Variants in ATP13A4 observed in about 807,000 individuals in gnomAD.
The protein encoded by ATP13A4 is probable cation-transporting ATPase 13A4.
Under a neutral mutation model 142.5 loss-of-function variants are expected in ATP13A4, and 114 were observed. The observed-to-expected ratio is 0.80, with a 90% CI of 0.69 to 0.93. ATP13A4 has a LOEUF of 0.93. Ranked by LOEUF, ATP13A4 falls within the 40% of genes least tolerant of loss-of-function variation. ATP13A4 has a pLI of 0.00. For missense variants in ATP13A4, 1,392 were observed against 1,454.0 expected (o/e 0.96, Z 0.69); for synonymous variants, 488 against 514.8 (o/e 0.95, Z 0.70).
At chr3:193,481,430 C>T (rs1167677032) in intron 8 of ATP13A4, among the ~76,000 whole-genome samples, 1 of 152,128 alleles carries the variant, frequency 6.6e-6, no homozygotes, top group African/African-American at 2.4e-5. Context: ...ATACATATTT[C>T]CACAATTTAG....
rs1462355026 is a variant in ATP13A4, at chr3:193,582,656, C to CAT, written n.92-752_92-751dup. ...ATACATTATATATGTATATTACATA[C>CAT]ATTATATATGTATATTACATATATA... On this transcript the variant is annotated intron_variant and non_coding_transcript_variant, in intron 1 of 3. Transcript: ENST00000489140. 2.2e-4 allele frequency among the ~76,000 whole-genome samples: 8 copies of CAT among 36,754 alleles called. 3 individuals carry two copies. The highest frequency in any genetic ancestry group is 5.5e-4 in the African/African-American group (3 of 5,430). 24.1% of individuals were successfully genotyped at this position (36,754 alleles called of 152,430 possible).
rs1719458954 is a variant in ATP13A4, at chr3:193,483,995, T to G, written c.749A>C (p.Lys250Thr). 6.2e-7 allele frequency: 1 copy of G among 1,609,026 alleles called. No individual in the cohort carries two copies. Among genetic ancestry groups the G allele is most frequent in the African/African-American group, 1.3e-5 (1 of 74,894 alleles). The change falls in exon 8 of 30, where the codon AAA becomes ACA. Residue 250 changes from lysine (K) to threonine (T), a missense_variant. By Grantham distance (78) the Lys-to-Thr change is moderately conservative. Coordinates refer to ENST00000342695, the MANE Select transcript of ATP13A4 (RefSeq NM_032279.4). ...ATGTGACTCGACGAGATGGTGGAGT[T>G]TTACAGATTGCTGAAAAAGAAGGAA... Reference protein sequence around the residue: ...TVYDLREQSVKLHHLVESHNS... With the variant: ...TVYDLREQSVTLHHLVESHNS...
At chr3:193,404,438 C>T (rs190601018) in intron 29 of ATP13A4, among the ~76,000 whole-genome samples, 81 of 152,162 alleles carry the variant, frequency 5.3e-4, no homozygotes, top group Non-Finnish European at 1.1e-3. Flanking sequence ...GAACTAGTGA[C>T]ATGATCTGAA....
intron 1 of ATP13A4, among the ~76,000 whole-genome samples, chr3:193,542,852 G>A (rs957465272): frequency 6.6e-6 from 1 of 152,114 alleles, no homozygotes; most frequent in African/African-American, 2.4e-5. Flanking sequence ...AGTCTTAAAT[G>A]TAAAACCCAA....
chr3:193,442,553 T>A lies in ATP13A4; in HGVS notation c.2156A>T (p.Asp719Val), dbSNP rs1345108051. The change falls in exon 19 of 30, where the codon GAC (aspartate) becomes GTC (valine). Residue 719 changes from aspartate to valine, a missense_variant. Coordinates refer to ENST00000342695, the MANE Select transcript of ATP13A4 (RefSeq NM_032279.4). ...CACTGTTATTGCAGTCTGAAGATTG[T>A]CACCTAGAGGAAAGGAGGAGTATCT... Reference protein sequence around the residue: ...ARIRTVMITGDNLQTAITVAR... With the variant: ...ARIRTVMITGVNLQTAITVAR... The A allele has an allele frequency of 1.9e-6, 3 of 1,613,460 alleles. No homozygotes were observed. The highest frequency in any genetic ancestry group is 1.3e-5 in the African/African-American group (1 of 75,038).
intron 8 of ATP13A4, among the ~76,000 whole-genome samples, chr3:193,481,890 A>G (rs1199169430): frequency 2.6e-5 from 4 of 152,176 alleles, no homozygotes; most frequent in Non-Finnish European, 5.9e-5. Flanking sequence ...TTAAGCCTGT[A>G]TTTCTATAAA....
At chr3:193,564,798 G>A (rs1160383662) in intron 2 of ATP13A4, among the ~76,000 whole-genome samples, 1 of 152,140 alleles carries the variant, frequency 6.6e-6, no homozygotes, top group Non-Finnish European at 1.5e-5. Context: ...AGCCAGCAAA[G>A]TTTCATCTGT....
Position 193,473,469 on chromosome 3 carries a change from A to T in ATP13A4, c.809-2476T>A, listed in dbSNP as rs560492678. On this transcript the variant is annotated intron_variant, in intron 8 of 29. Transcript: ENST00000342695. The stretch of plus-strand genomic sequence containing the variant: ...ATCAAAGTAATAATTAATTTGGCCA[A>T]GAAACATCAATGTATACTAAAACTA... 1.1e-4 allele frequency among the ~76,000 whole-genome samples: 16 copies of T among 152,364 alleles called. 1 individual carries two copies. The South Asian group carries it at 3.3e-3, about 32-fold the overall frequency.
At chr3:193,549,429 TATATAGAG>T (rs1037515490) in intron 1 of ATP13A4, among the ~76,000 whole-genome samples, 22 of 142,652 alleles carry the variant, frequency 1.5e-4, no homozygotes, top group East Asian at 6.1e-4. Context: ...TATATATATA[TATATAGAG>T]AGAGAGAGAG....
Position 193,399,731 on chromosome 3 carries a change from A to G in ATP13A4, c.*2921T>C, listed in dbSNP as rs1429127456. Among the ~76,000 whole-genome samples the G allele has an allele frequency of 6.7e-6, 1 of 150,280 alleles. No homozygotes were observed. The highest frequency in any genetic ancestry group is 1.5e-5 in the Non-Finnish European group (1 of 67,748). ...GGCATGGTGGCAGACCTGTAGTCCC[A>G]GCTACTTGGGAGGCTGAGGCAGGAG... On this transcript the variant is annotated 3_prime_UTR_variant, in exon 30 of 30. Transcript: ENST00000342695.
chr3:193,589,923 T>A (rs987493698), intron 1 of ATP13A4, among the ~76,000 whole-genome samples: 3 of 151,398 alleles, frequency 2.0e-5, no homozygotes, highest in Non-Finnish European at 4.4e-5. Context: ...ATTCATATAA[T>A]TTTACTTGCC....
At chr3:193,501,719 T>C (rs1720554052) in intron 3 of ATP13A4, among the ~76,000 whole-genome samples, 1 of 151,942 alleles carries the variant, frequency 6.6e-6, no homozygotes, top group Admixed American at 6.6e-5. Flanking sequence ...CACACATACA[T>C]AAATGTAAGA....
chr3:193,485,898 A>G (rs1003962310), intron 7 of ATP13A4, among the ~76,000 whole-genome samples: 4 of 150,132 alleles, frequency 2.7e-5, no homozygotes, highest in Non-Finnish European at 5.9e-5. Flanking sequence ...CCATAACTAA[A>G]GAAATAAATT....
intron 6 of ATP13A4, among the ~76,000 whole-genome samples, chr3:193,490,312 C>T (rs1351289932): frequency 6.6e-6 from 1 of 152,200 alleles, no homozygotes; most frequent in African/African-American, 2.4e-5. Flanking sequence ...GTTGTCACCT[C>T]CTGTCTACAT....
chr3:193,430,985 A>G (rs1377720620), intron 25 of ATP13A4, among the ~76,000 whole-genome samples: 1 of 152,068 alleles, frequency 6.6e-6, no homozygotes, highest in Non-Finnish European at 1.5e-5. Context: ...CTTAGTGACT[A>G]ATGATGGCGG....
chr3:193,583,665 A>AT (rs1307318641), intron 1 of ATP13A4, among the ~76,000 whole-genome samples: 1 of 151,792 alleles, frequency 6.6e-6, no homozygotes, highest in Non-Finnish European at 1.5e-5. Flanking sequence ...CAAGAAAAAA[A>AT]ATCAGACAAT....
intron 1 of ATP13A4, among the ~76,000 whole-genome samples, chr3:193,532,436 T>A (rs1387792188): frequency 1.3e-5 from 2 of 148,180 alleles, no homozygotes; most frequent in Non-Finnish European, 3.0e-5. Context: ...CCCAACAAAC[T>A]GAATTACACC....
chr3:193,441,095 C>A (rs1454534701), intron 20 of ATP13A4, among the ~76,000 whole-genome samples: 2 of 152,040 alleles, frequency 1.3e-5, no homozygotes, highest in African/African-American at 4.8e-5. Flanking sequence ...GGTCATCTAT[C>A]AAAAAACTAA....
chr3:193,592,645 C>T (rs181940123), intron 1 of ATP13A4, among the ~76,000 whole-genome samples: 2 of 152,178 alleles, frequency 1.3e-5, no homozygotes, highest in African/African-American at 4.8e-5. Flanking sequence ...ATAAACCACA[C>T]AAGCTTATTC....
Sources: allele counts gnomAD v4.1 joint callset (sites outside exome capture counted in the v4.1 genomes callset), GRCh38; gene constraint gnomAD v4.1.1; transcripts MANE v1.5; gene names NCBI Gene and HGNC (gene_info 2026-07-23, HGNC 2026-07-21).